Variants in ZNF714 observed in about 807,000 individuals in gnomAD.
ZNF714 encodes zinc finger protein 714.
A neutral mutation model predicts 46.2 loss-of-function variants in ZNF714; 32 were observed. The observed-to-expected ratio is 0.69, with a 90% CI of 0.52 to 0.93. The LOEUF (loss-of-function observed/expected upper bound fraction) is 0.93, where lower values mean the gene tolerates loss of function less well. Among genes scored for constraint, ZNF714 ranks in the 40% least tolerant of loss-of-function variants. ZNF714 has a pLI of 0.00. For missense variants in ZNF714, 635 were observed against 646.3 expected (o/e 0.98, Z 0.19); for synonymous variants, 199 against 213.1 (o/e 0.93, Z 0.58).
chr19:21,083,617 A>G lies in ZNF714; in HGVS notation c.-176-361A>G, dbSNP rs139414206. Among the ~76,000 whole-genome samples the G allele has an allele frequency of 2.0e-5, 3 of 152,172 alleles. No individual in the cohort carries two copies. In the East Asian group the frequency reaches 5.8e-4, roughly 30 times the overall value. ...TTTGTCTTTTAGTGTACTTTTGTAT[A>G]CCATATTTTAATTAATTATTTTTTG... On this transcript the variant is annotated intron_variant, in intron 1 of 4. Coordinates refer to ENST00000456283, the MANE Select transcript of ZNF714 (RefSeq NM_182515.4).
intron 2 of ZNF714, among the ~76,000 whole-genome samples, chr19:21,093,418 G>T (rs1220169499): frequency 6.6e-6 from 1 of 150,524 alleles, no homozygotes; most frequent in Non-Finnish European, 1.5e-5. Flanking sequence ...TTTTAGTAGA[G>T]ATGGGGTTTC....
rs1363029738 is a variant in ZNF714 at position 21,098,310 on chromosome 19, G to A, written c.42G>A (p.Leu14=). Residue 14 remains leucine, a splice_region_variant and synonymous_variant, in exon 3 of 5, where the codon TTG becomes TTA. Coordinates refer to ENST00000456283, the MANE Select transcript of ZNF714 (RefSeq NM_182515.4). The stretch of plus-strand genomic sequence containing the variant: ...AGAACTACAAAAACCTGGTCTTCTT[G>A]GGTGAGAATAACTTTAATACATAAG... ...MLENYKNLVF[L]AGIAVSKQDP... 4 of 1,610,740 alleles carry A rather than the reference G, an allele frequency of 2.5e-6. No individual in the cohort carries two copies. Among genetic ancestry groups the A allele is most frequent in the Non-Finnish European group, 3.4e-6 (4 of 1,179,364 alleles).
intron 2 of ZNF714, among the ~76,000 whole-genome samples, chr19:21,088,974 C>T (rs1968847697): frequency 1.3e-5 from 2 of 152,114 alleles, no homozygotes; most frequent in Non-Finnish European, 1.5e-5. Flanking sequence ...CTAAGTGGTC[C>T]AGAGTATGTT....
In ZNF714 at chr19:21,120,903, T is replaced by C. The variant is rs1406875108; in HGVS notation, c.*2571T>C. 6.6e-6 allele frequency: 1 copy of C among 152,202 alleles called. No individual in the cohort carries two copies. The highest frequency in any genetic ancestry group is 1.5e-5 in the Non-Finnish European group (1 of 68,040). The allele number at this position is 152,202 out of a possible 1,614,324, so 9.4% of individuals were successfully genotyped here. On this transcript the variant is annotated 3_prime_UTR_variant, in exon 5 of 5. Transcript: ENST00000456283. ...ATATGAGTATATATTTATGCACTTA[T>C]ATGGCATATTTTAGTACAGGAATAC...
At chr19:21,107,944 A>G (rs1291388554) in intron 4 of ZNF714, among the ~76,000 whole-genome samples, 1 of 152,196 alleles carries the variant, frequency 6.6e-6, no homozygotes, top group African/African-American at 2.4e-5. Context: ...TGTCGTTTTG[A>G]GACAGGATCA....
In ZNF714 at chr19:21,118,680, T is replaced by C. The variant is rs937350620; in HGVS notation, c.*348T>C. On this transcript the variant is annotated 3_prime_UTR_variant, in exon 5 of 5. Coordinates refer to ENST00000456283, the MANE Select transcript of ZNF714 (RefSeq NM_182515.4). ...AGAAACCCTACGAGGGTGAAAAACA[T>C]GGCAAAGCCTTTAACAAGCCCTCAA... 1 of 209,470 alleles carries C rather than the reference T, an allele frequency of 4.8e-6. No individual in the cohort carries two copies. The highest frequency in any genetic ancestry group is 1.0e-5 in the Non-Finnish European group (1 of 99,784). 13.0% of individuals were successfully genotyped at this position (209,470 alleles called of 1,614,324 possible).
chr19:21,105,696 T>A lies in ZNF714; in HGVS notation c.142+6786T>A, dbSNP rs143802340. 4.2e-3 allele frequency among the ~76,000 whole-genome samples: 638 copies of A among 152,304 alleles called. 6 individuals carry two copies. Among genetic ancestry groups the A allele is most frequent in the African/African-American group, 0.014 (587 of 41,580 alleles). ...TTGGCCAGGCGCAGTGGCTCATGCC[T>A]ATAATCTCAGCACTTTGGGAGATGG... On this transcript the variant is annotated intron_variant, in intron 4 of 4. Coordinates refer to ENST00000456283, the MANE Select transcript of ZNF714 (RefSeq NM_182515.4).
In ZNF714 at chr19:21,098,240, G is replaced by T; in HGVS notation, c.-29G>T. On this transcript the variant is annotated 5_prime_UTR_variant, in exon 3 of 5. It removes an upstream start codon present in the reference 5' UTR. Transcript: ENST00000456283. ...GAATTCTCTCTGGAGGAGTGGGAAT[G>T]CCTGAACCCTGCTCAGCAGAATTTA... 6.2e-7 allele frequency: 1 copy of T among 1,612,520 alleles called. No homozygotes were observed.
chr19:21,083,320 GC>G (rs1160540566), intron 1 of ZNF714, among the ~76,000 whole-genome samples: 3 of 152,212 alleles, frequency 2.0e-5, no homozygotes, highest in African/African-American at 7.2e-5. Flanking sequence ...ACAGGCGTGA[GC>G]CACCGCGCCC....
intron 4 of ZNF714, among the ~76,000 whole-genome samples, chr19:21,106,591 T>C (rs900307185): frequency 6.7e-6 from 1 of 150,194 alleles, no homozygotes; most frequent in Admixed American, 6.7e-5. Flanking sequence ...AAAACAAATA[T>C]TTTTTGTATA....
intron 4 of ZNF714, among the ~76,000 whole-genome samples, chr19:21,103,676 A>G (rs1969241141): frequency 6.6e-6 from 1 of 152,200 alleles, no homozygotes; most frequent in Non-Finnish European, 1.5e-5. Context: ...TTGGGAGGCC[A>G]AGACAGGAGT....
chr19:21,098,265 A>G lies in ZNF714; in HGVS notation c.-4A>G. The stretch of plus-strand genomic sequence containing the variant: ...GCCTGAACCCTGCTCAGCAGAATTT[A>G]TATATGAATGTGATGTTAGAGAACT... On this transcript the variant is annotated 5_prime_UTR_variant, in exon 3 of 5. Coordinates refer to ENST00000456283, the MANE Select transcript of ZNF714 (RefSeq NM_182515.4). 6.2e-7 allele frequency: 1 copy of G among 1,612,962 alleles called. No individual in the cohort carries two copies. Among genetic ancestry groups the G allele is most frequent in the Non-Finnish European group, 8.5e-7 (1 of 1,179,804 alleles).
intron 1 of ZNF714, 34 bp from the exon 2 acceptor site, chr19:21,083,944 T>A (rs933279986): frequency 1.2e-5 from 14 of 1,176,142 alleles, no homozygotes; most frequent in Non-Finnish European, 1.3e-5. Flanking sequence ...AAGTGCCTAG[T>A]GAATATCAGC....
chr19:21,087,126 A>G (rs924291410), intron 2 of ZNF714, among the ~76,000 whole-genome samples: 1 of 151,534 alleles, frequency 6.6e-6, no homozygotes, highest in African/African-American at 2.4e-5. Flanking sequence ...GCATTTGAGA[A>G]CATCTGTCAA....
intron 1 of ZNF714, 137 bp downstream of exon 1, chr19:21,082,485 G>T (rs1968676387): frequency 2.3e-6 from 2 of 866,156 alleles, no homozygotes; most frequent in Admixed American, 2.3e-5. Flanking sequence ...GCTCAGCTCG[G>T]CCTCAGTCCC....
chr19:21,096,068 G>A (rs1347021407), intron 2 of ZNF714, among the ~76,000 whole-genome samples: 2 of 152,132 alleles, frequency 1.3e-5, no homozygotes, highest in Non-Finnish European at 2.9e-5. Flanking sequence ...TGTTCTGTTT[G>A]GGTTTGGTAG....
At chr19:21,100,078 T>A (rs1008320126) in intron 4 of ZNF714, among the ~76,000 whole-genome samples, 9 of 152,050 alleles carry the variant, frequency 5.9e-5, no homozygotes, top group Non-Finnish European at 1.0e-4. Flanking sequence ...CTGGTCTCGA[T>A]CTCCTGACCT....
intron 2 of ZNF714, among the ~76,000 whole-genome samples, 172 bp downstream of exon 2, chr19:21,084,241 A>C (rs545755218): frequency 6.6e-6 from 1 of 152,234 alleles, no homozygotes; most frequent in East Asian, 1.9e-4. Context: ...AAAGAAAAAA[A>C]AAATCAAGCA....
At chr19:21,113,351 TTTGTTTTTG>T (rs545674682) in intron 4 of ZNF714, 2,384 of 50,534 alleles carry the variant, frequency 0.047, 52 homozygotes, top group African/African-American at 0.09. Context: ...GTTTTTTTGT[TTTGTTTTTG>T]TTTGTTTGTT....
Sources: gnomAD v4.1 joint callset for allele counts (sites outside exome capture counted in the v4.1 genomes callset) on GRCh38, gnomAD v4.1.1 for gene constraint, MANE v1.5 for transcripts, NCBI Gene and HGNC (gene_info 2026-07-23, HGNC 2026-07-21) for gene names.